The following CFAP97 variants were observed in gnomAD, a reference collection of about 807,000 sequenced individuals.
CFAP97 encodes cilia- and flagella-associated protein 97.
CFAP97 carries 36 observed loss-of-function variants against 43.1 expected under a neutral mutation model. The observed-to-expected ratio is 0.84, with a 90% confidence interval of 0.64 to 1.10. The LOEUF (loss-of-function observed/expected upper bound fraction) is 1.10, where lower values mean the gene tolerates loss of function less well. CFAP97 is among the 50% of genes least tolerant of loss of function. The pLI, the probability that CFAP97 is intolerant of heterozygous loss-of-function variation, is 0.00. For synonymous variants in CFAP97, 228 were observed against 225.7 expected (o/e 1.01, Z -0.09); for missense variants, 657 against 620.3 (o/e 1.06, Z -0.63).
At position 185,199,147 on chromosome 4, in the gene CFAP97, C is replaced by G. The variant is rs967457625; in HGVS notation, c.-17+4751G>C. Among the ~76,000 whole-genome samples, 9 of 151,886 alleles carry G rather than the reference C, an allele frequency of 5.9e-5. No homozygotes were observed. In the East Asian group the frequency reaches 1.7e-3, roughly 29 times the overall value. On this transcript the variant is annotated intron_variant, in intron 1 of 4. Transcript: ENST00000458385. ...CAGCACTTTGGGAGGCTGAGACGGG[C>G]GGATCACTTGAGGCCAGGAGATGGA...
At position 185,191,085 on chromosome 4, in the gene CFAP97, C is replaced by A. The variant is rs374312540; in HGVS notation, c.112G>T (p.Asp38Tyr). 9 of 1,612,960 alleles carry A rather than the reference C, an allele frequency of 5.6e-6. No homozygotes were observed. Among genetic ancestry groups the A allele is most frequent in the Non-Finnish European group, 7.6e-6 (9 of 1,179,670 alleles). Residue 38 changes from aspartate to tyrosine, a missense_variant, in exon 2 of 5, where the codon GAT becomes TAT. Coordinates refer to ENST00000458385, the MANE Select transcript of CFAP97 (RefSeq NM_020827.3). Reference sequence around the variant, plus strand: ...TTATCTATTCTTTCCTTTGGGTCATCATTTTGCTTGTCAAAAACTGAGTTA... The same window carrying A: ...TTATCTATTCTTTCCTTTGGGTCATAATTTTGCTTGTCAAAAACTGAGTTA... ...ETNSVFDKQN[D>Y]DPKERIDKDT...
Position 185,177,677 on chromosome 4 carries a change from A to G in CFAP97, c.1055-1626T>C, listed in dbSNP as rs569416399. Among the ~76,000 whole-genome samples the G allele has an allele frequency of 2.8e-4, 42 of 152,074 alleles. 1 individual carries two copies. The South Asian group carries it at 8.3e-3, about 30-fold the overall frequency. On this transcript the variant is annotated intron_variant, in intron 2 of 4. Transcript: ENST00000458385. ...TGGCAAAACCCCGTCTCTACTAAAA[A>G]TACAAAAATTAGCTGGGCGTGGTGG...
intron 2 of CFAP97, among the ~76,000 whole-genome samples, chr4:185,178,015 T>C (rs1422247486): frequency 1.3e-5 from 2 of 151,864 alleles, no homozygotes; most frequent in African/African-American, 2.4e-5. Flanking sequence ...GGTAGGAAAA[T>C]GAAGAAATTA....
rs1734825863 is a variant in CFAP97 at position 185,160,117 on chromosome 4, CT to C, written c.*2680del. On this transcript the variant is annotated 3_prime_UTR_variant, in exon 5 of 5. Coordinates refer to ENST00000458385, the MANE Select transcript of CFAP97 (RefSeq NM_020827.3). ...CTACATTTTTAAGCAAACCAAAGAA[CT>C]TTATTTGGAGTAATAGCTAAGAAAA... The C allele has an allele frequency of 6.6e-6, 1 of 152,056 alleles. No individual in the cohort carries two copies. The highest frequency in any genetic ancestry group is 1.5e-5 in the Non-Finnish European group (1 of 68,010). 9.4% of individuals were successfully genotyped at this position (152,056 alleles called of 1,614,324 possible). A position where few individuals can be genotyped will look rare whatever the true frequency, so the allele number is the denominator to read the frequency against.
chr4:185,188,073 T>A (rs1736080967), intron 2 of CFAP97, among the ~76,000 whole-genome samples: 1 of 151,714 alleles, frequency 6.6e-6, no homozygotes, highest in South Asian at 2.1e-4. Context: ...ATTTTTGTAT[T>A]TTTAGTAGAG....
intron 3 of CFAP97, among the ~76,000 whole-genome samples, chr4:185,171,395 C>A (rs566799524): frequency 1.3e-5 from 2 of 152,246 alleles, no homozygotes; most frequent in South Asian, 2.1e-4. Flanking sequence ...TTTATTTACA[C>A]ACATAATCTT....
rs1466573202 is a variant in CFAP97, at chr4:185,188,053, C to A, written c.1054+2090G>T. Among the ~76,000 whole-genome samples, 6 of 152,060 alleles carry A rather than the reference C, an allele frequency of 3.9e-5. No individual in the cohort carries two copies. The East Asian group carries it at 1.2e-3, about 30-fold the overall frequency. Reference sequence around the variant, plus strand: ...CTGGGACTATAGGCGCCTGCCACCACGCCCAGCTAATTTTTGTATTTTTAG... The same window carrying A: ...CTGGGACTATAGGCGCCTGCCACCAAGCCCAGCTAATTTTTGTATTTTTAG... On this transcript the variant is annotated intron_variant, in intron 2 of 4. Coordinates refer to ENST00000458385, the MANE Select transcript of CFAP97 (RefSeq NM_020827.3).
chr4:185,175,872 G>A lies in CFAP97; in HGVS notation c.1234C>T (p.Pro412Ser). ...TTTGGGGGATGATCAGCCGATCTAG[G>A]AATTGTACTTTTGCTTCCCGGCTTT... ...AEKPGSKSTI[P>S]RSADHPPKLY... The change falls in exon 3 of 5, where the codon CCT becomes TCT. Residue 412 changes from proline to serine, a missense_variant. Physicochemically the swap from Pro to Ser is moderately conservative, Grantham distance 74 (BLOSUM62 -1). Transcript: ENST00000458385. The A allele has an allele frequency of 1.2e-6, 2 of 1,613,874 alleles. No individual in the cohort carries two copies. The highest frequency in any genetic ancestry group is 1.7e-6 in the Non-Finnish European group (2 of 1,179,840).
Position 185,190,193 on chromosome 4 carries a change from T to C in CFAP97, c.1004A>G (p.His335Arg). 3 of 1,606,200 alleles carry C rather than the reference T, an allele frequency of 1.9e-6. No homozygotes were observed. The highest frequency in any genetic ancestry group is 1.3e-5 in the African/African-American group (1 of 74,468). ...SVLDSSLDHR[H>R]KQKVLHDTMD... ...TGTGTCATGTAAGACTTTCTGTTTA[T>C]GTCTGTGGTCTAAACTGGAGTCTAA... Residue 335 changes from histidine (H) to arginine (R), a missense_variant, in exon 2 of 5, where the codon CAT (histidine) becomes CGT (arginine). By Grantham distance (29) the His-to-Arg change is conservative. Transcript: ENST00000458385.
chr4:185,199,475 C>T (rs76850548), intron 1 of CFAP97, among the ~76,000 whole-genome samples: 20,677 of 152,042 alleles, frequency 0.14, 1,862 homozygotes, highest in Non-Finnish European at 0.2. Flanking sequence ...TCCAGACCAG[C>T]CTGGCCAACA....
At chr4:185,194,481 C>A (rs761242791) in intron 1 of CFAP97, among the ~76,000 whole-genome samples, 1 of 152,090 alleles carries the variant, frequency 6.6e-6, no homozygotes, top group Non-Finnish European at 1.5e-5. Flanking sequence ...AAGAGTGAGA[C>A]TCCATCTCAA....
chr4:185,178,978 C>T (rs1466564860), intron 2 of CFAP97, among the ~76,000 whole-genome samples: 2 of 152,042 alleles, frequency 1.3e-5, no homozygotes, highest in African/African-American at 2.4e-5. Context: ...ACAGTAAGAA[C>T]GGACAAAGAG....
upstream of CFAP97, chr4:185,209,584 G>C: frequency 3.3e-6 from 1 of 305,120 alleles, no homozygotes; most frequent in Non-Finnish European, 4.8e-6. This position sits in a 1 kb window ranked among gnomAD's most constrained non-coding sequence, Gnocchi z 5.2. Context: ...CCCGCGTCAG[G>C]CTGGCCAGGC....
intron 2 of CFAP97, among the ~76,000 whole-genome samples, chr4:185,186,423 ACT>A (rs942733709): frequency 1.3e-5 from 2 of 152,086 alleles, no homozygotes; most frequent in Admixed American, 6.6e-5. Flanking sequence ...ACAGAGTGAG[ACT>A]CTGTCTCAAA....
intron 1 of CFAP97, among the ~76,000 whole-genome samples, chr4:185,196,831 G>A (rs1042206926): frequency 6.6e-6 from 1 of 152,142 alleles, no homozygotes; most frequent in Non-Finnish European, 1.5e-5. Flanking sequence ...CAAGCGCAGT[G>A]GGTTGCGCCT....
At chr4:185,187,349 G>T (rs1171630867) in intron 2 of CFAP97, among the ~76,000 whole-genome samples, 1 of 152,068 alleles carries the variant, frequency 6.6e-6, no homozygotes, top group Non-Finnish European at 1.5e-5. Context: ...CCTGTATTTG[G>T]AAATTCCAAC....
At chr4:185,189,011 G>A (rs75175040) in intron 2 of CFAP97, among the ~76,000 whole-genome samples, 5,938 of 152,242 alleles carry the variant, frequency 0.039, 375 homozygotes, top group African/African-American at 0.13. Flanking sequence ...GCTGAGGTAG[G>A]AGGTTTGCTT....
chr4:185,186,305 C>T lies in CFAP97; in HGVS notation c.1054+3838G>A, dbSNP rs1362897101. Among the ~76,000 whole-genome samples, 9 of 151,936 alleles carry T rather than the reference C, an allele frequency of 5.9e-5. No individual in the cohort carries two copies. In the East Asian group the frequency reaches 1.2e-3, roughly 20 times the overall value. ...AAAATTAGCCAGGCGTGGTGGAGGG[C>T]GCCTGTAATCCCAGCTACTCAGGAG... On this transcript the variant is annotated intron_variant, in intron 2 of 4. Transcript: ENST00000458385.
chr4:185,199,782 C>A (rs1736741214), intron 1 of CFAP97, among the ~76,000 whole-genome samples: 1 of 152,200 alleles, frequency 6.6e-6, no homozygotes, highest in African/African-American at 2.4e-5. Context: ...CTATTTACAG[C>A]CATAATTCAC....
Sources: gnomAD v4.1 joint callset for allele counts (sites outside exome capture counted in the v4.1 genomes callset) on GRCh38, gnomAD v4.1.1 for gene constraint, Gnocchi (gnomAD v3.1) non-coding constraint, MANE v1.5 for transcripts, NCBI Gene and HGNC (gene_info 2026-07-23, HGNC 2026-07-21) for gene names.